CAMSAP1: variants seen among roughly 807,000 people sequenced by gnomAD.
CAMSAP1 encodes the protein calmodulin regulated spectrin associated protein 1.
Under a neutral mutation model 143.5 loss-of-function variants are expected in CAMSAP1, and 58 were observed. The ratio of observed to expected loss-of-function variants is 0.40; its 90% CI spans 0.33 to 0.50. CAMSAP1 has a LOEUF of 0.50. Ranked by LOEUF, CAMSAP1 falls within the 20% of genes least tolerant of loss-of-function variation. The probability of loss-of-function intolerance (pLI) is 0.45; values close to 1 mark genes in which losing one functional copy is unlikely to be tolerated. For synonymous variants in CAMSAP1, 945 were observed against 859.3 expected (o/e 1.10, Z -1.74); for missense variants, 1,969 against 2,115.7 (o/e 0.93, Z 1.36).
Position 135,898,355 on chromosome 9 carries a change from C to T in CAMSAP1, c.160+8645G>A, listed in dbSNP as rs1046018042. Among the ~76,000 whole-genome samples the T allele has an allele frequency of 2.6e-5, 4 of 152,230 alleles. No individual in the cohort carries two copies. In the East Asian group the frequency reaches 7.7e-4, roughly 29 times the overall value. On this transcript the variant is annotated intron_variant, in intron 1 of 16. Transcript: ENST00000389532. ...AAAATGCATGTTAATATACAACTGT[C>T]TCCAACTGGCCAGGCGTGGTGGCTC...
At chr9:135,851,484 C>T (rs1385273907) in intron 5 of CAMSAP1, among the ~76,000 whole-genome samples, 1 of 152,154 alleles carries the variant, frequency 6.6e-6, no homozygotes, top group Non-Finnish European at 1.5e-5. Context: ...CAAATGTTAA[C>T]GTCTTATAGG....
chr9:135,866,785 G>C (rs990654321), intron 3 of CAMSAP1, among the ~76,000 whole-genome samples: 1 of 152,042 alleles, frequency 6.6e-6, no homozygotes, highest in Non-Finnish European at 1.5e-5. Context: ...GTGCTCCCCC[G>C]TCACTGCGGG....
At chr9:135,906,566 A>G (rs922213893) in intron 1 of CAMSAP1, among the ~76,000 whole-genome samples, 9 of 152,238 alleles carry the variant, frequency 5.9e-5, no homozygotes, top group African/African-American at 2.2e-4. Context: ...GCTTGTAAGC[A>G]TCAAAATTCA....
At position 135,818,120 on chromosome 9, in the gene CAMSAP1, C is replaced by G; in HGVS notation, c.4169-41G>C. 1 of 1,592,990 alleles carries G rather than the reference C, an allele frequency of 6.3e-7. No homozygotes were observed. Among genetic ancestry groups the G allele is most frequent in the Admixed American group, 1.7e-5 (1 of 59,264 alleles). Reference sequence around the variant, plus strand: ...ACAGACGACGGTTCATGAACGGATTCCGACAGACAAGTACCTGTCCCCTGT... The same window carrying G: ...ACAGACGACGGTTCATGAACGGATTGCGACAGACAAGTACCTGTCCCCTGT... On this transcript the variant is annotated intron_variant, in intron 13 of 16. Coordinates refer to ENST00000389532, the MANE Select transcript of CAMSAP1 (RefSeq NM_015447.4). This position sits in a 1 kb window ranked among gnomAD's most constrained non-coding sequence, Gnocchi z 7.7.
At chr9:135,868,209 G>A (rs117306866) in intron 3 of CAMSAP1, among the ~76,000 whole-genome samples, 2,761 of 151,588 alleles carry the variant, frequency 0.018, 47 homozygotes, top group Non-Finnish European at 0.02. Context: ...TAGGCTGAAG[G>A]AAACGATACA....
chr9:135,827,169 G>A (rs953781253), intron 8 of CAMSAP1, among the ~76,000 whole-genome samples: 9 of 152,172 alleles, frequency 5.9e-5, no homozygotes, highest in African/African-American at 2.2e-4. Flanking sequence ...AAAAACACCT[G>A]TTCCATAAAC....
chr9:135,852,827 G>A (rs1044156593), intron 5 of CAMSAP1, among the ~76,000 whole-genome samples: 9 of 152,152 alleles, frequency 5.9e-5, no homozygotes, highest in African/African-American at 1.7e-4. Context: ...AATAATGAAA[G>A]TAATGAATTA....
intron 5 of CAMSAP1, among the ~76,000 whole-genome samples, chr9:135,861,390 A>G (rs1837187556): frequency 1.4e-5 from 2 of 147,344 alleles, no homozygotes; most frequent in Admixed American, 1.4e-4. Flanking sequence ...TCGGCTCACC[A>G]CAATGTCTGC....
intron 1 of CAMSAP1, among the ~76,000 whole-genome samples, chr9:135,899,354 C>T (rs1432243606): frequency 2.0e-5 from 3 of 150,646 alleles, no homozygotes; most frequent in Admixed American, 6.6e-5. Flanking sequence ...TTTGGGAGGC[C>T]GAGACAGGAG....
intron 16 of CAMSAP1, among the ~76,000 whole-genome samples, chr9:135,813,870 C>T (rs1461759822): frequency 1.3e-5 from 2 of 152,250 alleles, no homozygotes; most frequent in African/African-American, 4.8e-5. Context: ...CTCAAAAGGG[C>T]TTTCCATGGC....
chr9:135,841,693 G>A (rs984860734), intron 7 of CAMSAP1, among the ~76,000 whole-genome samples: 2 of 152,238 alleles, frequency 1.3e-5, no homozygotes, highest in Admixed American at 6.5e-5. Flanking sequence ...CTCTGCTGGT[G>A]ATATCCAGGC....
chr9:135,815,085 C>T lies in CAMSAP1; in HGVS notation c.4506+12G>A. 6.3e-7 allele frequency: 1 copy of T among 1,578,000 alleles called. No homozygotes were observed. Among genetic ancestry groups the T allele is most frequent in the Non-Finnish European group, 8.7e-7 (1 of 1,148,812 alleles). On this transcript the variant is annotated intron_variant, in intron 16 of 16. Coordinates refer to ENST00000389532, the MANE Select transcript of CAMSAP1 (RefSeq NM_015447.4). ...TTCCACATAAAAACTGAGGTTGAAA[C>T]ATGATACTTGCCTCCAATATGGAAT...
chr9:135,870,917 A>T (rs1482256779), intron 3 of CAMSAP1, among the ~76,000 whole-genome samples: 1 of 152,258 alleles, frequency 6.6e-6, no homozygotes, highest in Non-Finnish European at 1.5e-5. Flanking sequence ...GATAGTTTCA[A>T]ATTCCACATA....
At chr9:135,813,695 G>A (rs1201457439) in intron 16 of CAMSAP1, among the ~76,000 whole-genome samples, 7 of 152,214 alleles carry the variant, frequency 4.6e-5, no homozygotes, top group Admixed American at 1.3e-4. Flanking sequence ...TATCTGCAGA[G>A]CTCGCTCCCA....
chr9:135,823,796 A>T (rs1017849310), intron 10 of CAMSAP1, among the ~76,000 whole-genome samples, 154 bp downstream of exon 10: 8 of 152,058 alleles, frequency 5.3e-5, no homozygotes, highest in African/African-American at 1.7e-4. Context: ...GAGAGGCAGT[A>T]ACTTCCTAGT....
rs1835713084 is a variant in CAMSAP1 at position 135,827,426 on chromosome 9, G to T, written c.1204C>A (p.Pro402Thr). The change falls in exon 8 of 17, where the codon CCG becomes ACG. Residue 402 changes from proline to threonine, a missense_variant. By Grantham distance (38) the Pro-to-Thr change is conservative (BLOSUM62 -1). This residue lies in a region of CAMSAP1 where 1,390 missense variants were observed against 1,420.8 expected (regional missense o/e 0.98). Transcript: ENST00000389532. Reference protein sequence around the residue: ...AEGCHRHYLHPEEPEYLGKGT... With the variant: ...AEGCHRHYLHTEEPEYLGKGT... ...ACTTACAGGTATTCAGGTTCTTCCGGGTGCAGGTAGTGCCTGTGACAGCCT... is the reference window on the plus strand; with the variant it reads ...ACTTACAGGTATTCAGGTTCTTCCGTGTGCAGGTAGTGCCTGTGACAGCCT... The T allele has an allele frequency of 6.3e-7, 1 of 1,575,898 alleles. No individual in the cohort carries two copies. The highest frequency in any genetic ancestry group is 8.7e-7 in the Non-Finnish European group (1 of 1,153,580).
At chr9:135,878,062 A>C (rs1837812072) in intron 3 of CAMSAP1, among the ~76,000 whole-genome samples, 1 of 152,208 alleles carries the variant, frequency 6.6e-6, no homozygotes, top group South Asian at 2.1e-4. Flanking sequence ...CTAGTTACAC[A>C]ATCACCAGGG....
chr9:135,811,223 A>C lies in CAMSAP1; in HGVS notation c.*86T>G, dbSNP rs1835038410. 3.6e-6 allele frequency: 5 copies of C among 1,404,496 alleles called. No homozygotes were observed. The highest frequency in any genetic ancestry group is 4.8e-6 in the Non-Finnish European group (5 of 1,041,752). 87.0% of individuals were successfully genotyped at this position (1,404,496 alleles called of 1,614,324 possible). A position where few individuals can be genotyped will look rare whatever the true frequency, so the allele number is the denominator to read the frequency against. On this transcript the variant is annotated 3_prime_UTR_variant, in exon 17 of 17. Coordinates refer to ENST00000389532, the MANE Select transcript of CAMSAP1 (RefSeq NM_015447.4). This position sits in a 1 kb window ranked among gnomAD's most constrained non-coding sequence, Gnocchi z 4.9. ...CCCAAATAGATGAAAACAATAAATA[A>C]GGACCCCGTGGCACCCTCTGGATGC... is the stretch of plus-strand genomic sequence containing the variant.
chr9:135,817,782 C>T (rs574671838), intron 14 of CAMSAP1, 195 bp downstream of exon 14: 5 of 571,908 alleles, frequency 8.7e-6, no homozygotes, highest in African/African-American at 3.8e-5. Flanking sequence ...AAGGCTGCCA[C>T]GTTTAACCAG....
Sources: allele counts gnomAD v4.1 joint callset (sites outside exome capture counted in the v4.1 genomes callset), GRCh38; gene constraint gnomAD v4.1.1; regional missense constraint gnomAD v4.1.1; non-coding constraint Gnocchi (gnomAD v3.1); transcripts MANE v1.5; gene names NCBI Gene and HGNC (gene_info 2026-07-23, HGNC 2026-07-21).